The following FAT4 variants were observed in gnomAD, a reference collection of about 807,000 sequenced individuals.
The protein encoded by FAT4 is protocadherin Fat 4.
FAT4 carries 84 observed loss-of-function variants against 303.9 expected under a neutral mutation model. The observed-to-expected ratio is 0.28, with a 90% CI of 0.23 to 0.33. FAT4 has a LOEUF of 0.33. Among genes scored for constraint, FAT4 ranks in the 10% least tolerant of loss-of-function variants. The pLI is 1.00. For missense variants in FAT4, 6,005 were observed against 6,146.8 expected, an observed-to-expected ratio of 0.98 and a Z score of 0.77; for synonymous variants, 2,307 against 2,298.8, an observed-to-expected ratio of 1.00 and a Z score of -0.10.
intron 6 of FAT4, 52 bp from the exon 7 acceptor site, chr4:125,416,396 C>T (rs1363846645): frequency 1.1e-5 from 16 of 1,439,088 alleles, no homozygotes; most frequent in South Asian, 7.0e-5. Context: ...CATTTTATTT[C>T]ATGAGATGCA....
At position 125,407,255 on chromosome 4, in the gene FAT4, T is replaced by G. The variant is rs1200025789; in HGVS notation, c.5569+114T>G. ...TTAGTTTTTAATCATATACTACTAG[T>G]TATAAAAATATATATGCTGGATTGT... On this transcript the variant is annotated intron_variant, in intron 4 of 17. Coordinates refer to ENST00000394329, the MANE Select transcript of FAT4 (RefSeq NM_001291303.3). 3.3e-6 allele frequency: 3 copies of G among 905,834 alleles called. No homozygotes were observed. In the African/African-American group the frequency reaches 5.1e-5, roughly 15 times the overall value. The allele number at this position is 905,834 out of a possible 1,614,324, so 56.1% of individuals were successfully genotyped here.
intron 12 of FAT4, among the ~76,000 whole-genome samples, chr4:125,469,333 G>A (rs1197935044): frequency 6.6e-6 from 1 of 152,152 alleles, no homozygotes; most frequent in Non-Finnish European, 1.5e-5. Flanking sequence ...CTGAAGATTC[G>A]TGGTGGGGGC....
At chr4:125,376,564 G>A (rs866845768) in intron 2 of FAT4, among the ~76,000 whole-genome samples, 2 of 152,096 alleles carry the variant, frequency 1.3e-5, no homozygotes, top group Non-Finnish European at 2.9e-5. Flanking sequence ...AAACCTGCAC[G>A]TTGTGCACGT....
rs752608606 is a variant in FAT4 at position 125,316,891 on chromosome 4, C to T, written c.480C>T (p.Thr160=). The T allele has an allele frequency of 6.2e-7, 1 of 1,613,904 alleles. No individual in the cohort carries two copies. Among genetic ancestry groups the T allele is most frequent in the Admixed American group, 1.7e-5 (1 of 60,002 alleles). Residue 160 remains threonine (T), a synonymous_variant, in exon 2 of 18, where the codon ACC becomes ACT. Coordinates refer to ENST00000394329, the MANE Select transcript of FAT4 (RefSeq NM_001291303.3). The surrounding 1 kb of genome is among the most constrained non-coding windows in gnomAD (Gnocchi z 5.7). ...GCCAAGTCATCTTAGACACCGCCAC[C>T]GACTCGGACATCGGCTCAAACGGTG... ...SGRQVILDTA[T]DSDIGSNGVD...
intron 2 of FAT4, among the ~76,000 whole-genome samples, chr4:125,362,523 G>T (rs1732713711): frequency 6.6e-6 from 1 of 152,128 alleles, no homozygotes; most frequent in Non-Finnish European, 1.5e-5. Flanking sequence ...AAATCTGCAA[G>T]CGAAGAATTG....
chr4:125,488,438 C>T (rs997787418), intron 17 of FAT4, among the ~76,000 whole-genome samples: 1 of 152,130 alleles, frequency 6.6e-6, no homozygotes, highest in Non-Finnish European at 1.5e-5. Flanking sequence ...ACGAGTGGAT[C>T]TACAGAAATG....
At chr4:125,364,381 C>T (rs1001966310) in intron 2 of FAT4, among the ~76,000 whole-genome samples, 4 of 152,024 alleles carry the variant, frequency 2.6e-5, no homozygotes, top group African/African-American at 9.7e-5. Flanking sequence ...AGAAATTTAG[C>T]CCCCCGTGAA....
At chr4:125,454,308 C>T (rs1263447919) in intron 10 of FAT4, among the ~76,000 whole-genome samples, 2 of 152,112 alleles carry the variant, frequency 1.3e-5, no homozygotes, top group African/African-American at 4.8e-5. Context: ...AATGTTGAAA[C>T]AGAACATGCA....
rs1187974979 is a variant in FAT4, at chr4:125,316,536, G to A, written c.125G>A (p.Gly42Glu). 1 of 1,613,830 alleles carries A rather than the reference G, an allele frequency of 6.2e-7. No homozygotes were observed. The highest frequency in any genetic ancestry group is 1.7e-5 in the Admixed American group (1 of 60,002). ...CTTCCGGGGCAGGCCTGGGTCCACG[G>A]GGCCGAGCCGCGCCAGGTGTTCCAA... ...SLLPGQAWVH[G>E]AEPRQVFQVL... Residue 42 changes from glycine (G) to glutamate (E), a missense_variant, in exon 2 of 18, where the codon GGG becomes GAG. By Grantham distance (98) the Gly-to-Glu change is moderately conservative. Transcript: ENST00000394329. The surrounding 1 kb of genome is among the most constrained non-coding windows in gnomAD (Gnocchi z 5.7).
chr4:125,478,216 AT>A (rs1431348900), intron 14 of FAT4, among the ~76,000 whole-genome samples: 2 of 152,072 alleles, frequency 1.3e-5, no homozygotes, highest in East Asian at 3.9e-4. Flanking sequence ...TTTTAATAAC[AT>A]TTTCTATTTG....
chr4:125,343,796 A>G (rs1731891111), intron 2 of FAT4, among the ~76,000 whole-genome samples: 1 of 152,150 alleles, frequency 6.6e-6, no homozygotes, highest in Admixed American at 6.6e-5. Flanking sequence ...GGGCTTTCTG[A>G]AAAAAAGTTT....
chr4:125,338,602 AAT>A lies in FAT4; in HGVS notation c.5175+17018_5175+17019del, dbSNP rs1235524708. ...CATGCCCTCAAGAGACTAGCAATCT[AAT>A]AGGAAGACAAACATCACATAAACTA... On this transcript the variant is annotated intron_variant, in intron 2 of 17. Coordinates refer to ENST00000394329, the MANE Select transcript of FAT4 (RefSeq NM_001291303.3). 8.5e-5 allele frequency among the ~76,000 whole-genome samples: 13 copies of A among 152,308 alleles called. No individual in the cohort carries two copies. The South Asian group carries it at 2.3e-3, about 27-fold the overall frequency.
chr4:125,453,987 G>A (rs186741814), intron 10 of FAT4, among the ~76,000 whole-genome samples: 2 of 152,240 alleles, frequency 1.3e-5, no homozygotes, highest in East Asian at 3.9e-4. Context: ...TCCTTCAAAT[G>A]TGAATAAATG....
rs143204873 is a variant in FAT4, at chr4:125,416,509, G to A, written c.6905G>A (p.Gly2302Asp). The A allele has an allele frequency of 1.8e-5, 29 of 1,613,848 alleles. No homozygotes were observed. The highest frequency in any genetic ancestry group is 1.6e-4 in the Middle Eastern group (1 of 6,080). Reference protein sequence around the residue: ...NSKLSYVLFGGNEDNAFTLSA... With the variant: ...NSKLSYVLFGDNEDNAFTLSA... ...AAACTCTCATATGTTCTGTTTGGTG[G>A]TAATGAAGACAATGCTTTTACTCTC... The change falls in exon 7 of 18, where the codon GGT becomes GAT. Residue 2302 changes from glycine (G) to aspartate (D), a missense_variant. Transcript: ENST00000394329.
intron 12 of FAT4, among the ~76,000 whole-genome samples, chr4:125,471,777 C>T (rs951075951): frequency 2.0e-5 from 3 of 150,950 alleles, no homozygotes; most frequent in Non-Finnish European, 4.4e-5. Flanking sequence ...GGTGGCCAGG[C>T]GGGGTGGCTC....
intron 5 of FAT4, among the ~76,000 whole-genome samples, chr4:125,410,732 A>G (rs1734807867): frequency 6.6e-6 from 1 of 152,150 alleles, no homozygotes. Context: ...TAAAAAGAAA[A>G]AGAAAAGAAT....
intron 11 of FAT4, among the ~76,000 whole-genome samples, chr4:125,464,267 T>C (rs779748088): frequency 1.1e-4 from 17 of 152,118 alleles, no homozygotes; most frequent in Non-Finnish European, 2.1e-4. Flanking sequence ...AACTTTTTTG[T>C]ATACATACAT....
chr4:125,447,485 A>G (rs772730521), intron 9 of FAT4, among the ~76,000 whole-genome samples: 8 of 152,292 alleles, frequency 5.3e-5, no homozygotes, highest in East Asian at 1.9e-4. Flanking sequence ...AAAGGTCTTC[A>G]GATGAAATGA....
chr4:125,443,875 G>A (rs1446521191), intron 8 of FAT4, among the ~76,000 whole-genome samples: 3 of 152,046 alleles, frequency 2.0e-5, no homozygotes, highest in African/African-American at 7.2e-5. Context: ...CTTAACTGTC[G>A]ATCTACGTAC....
Sources: gnomAD v4.1 joint callset for allele counts (sites outside exome capture counted in the v4.1 genomes callset) on GRCh38, gnomAD v4.1.1 for gene constraint, Gnocchi (gnomAD v3.1) non-coding constraint, MANE v1.5 for transcripts, NCBI Gene and HGNC (gene_info 2026-07-23, HGNC 2026-07-21) for gene names.